The following IGSF21 variants were observed in gnomAD, a reference collection of about 807,000 sequenced individuals.
IGSF21 encodes the protein immunoglobin superfamily member 21, also known as immunoglobulin superfamily member 21.
In IGSF21, 28 loss-of-function variants were observed where a neutral mutation model predicts 46.8. The observed-to-expected ratio is 0.60, with a 90% CI of 0.44 to 0.82. The LOEUF (loss-of-function observed/expected upper bound fraction) is 0.82. Among genes scored for constraint, IGSF21 ranks in the 40% least tolerant of loss-of-function variants. IGSF21 has a pLI of 0.00. For synonymous variants in IGSF21, 284 were observed against 273.6 expected (o/e 1.04, Z -0.38); for missense variants, 624 against 665.5 (o/e 0.94, Z 0.69).
At chr1:18,160,166 C>T (rs2086604842) in intron 1 of IGSF21, among the ~76,000 whole-genome samples, 1 of 152,190 alleles carries the variant, frequency 6.6e-6, no homozygotes, top group South Asian at 2.1e-4. Context: ...GAAAAACAGT[C>T]ACTTCTCACC....
At chr1:18,148,213 C>A (rs1413881164) in intron 1 of IGSF21, among the ~76,000 whole-genome samples, 2 of 142,618 alleles carry the variant, frequency 1.4e-5, no homozygotes, top group Admixed American at 1.5e-4. Flanking sequence ...TCACTGCAAG[C>A]TCCGCCTCCT....
chr1:18,109,515 G>C lies in IGSF21; in HGVS notation c.70+1317G>C, dbSNP rs890155781. 1 of 152,380 alleles carries C rather than the reference G, an allele frequency of 6.6e-6. No individual in the cohort carries two copies. The highest frequency in any genetic ancestry group is 1.5e-5 in the Non-Finnish European group (1 of 68,192). 9.4% of individuals were successfully genotyped at this position (152,380 alleles called of 1,614,324 possible). A position where few individuals can be genotyped will look rare whatever the true frequency, so the allele number is the denominator to read the frequency against. ...CTCTGAGAGTGCCTGCCAGGAAGGGGTGCCCCCTTAAAAATAACCCCAACT... is the reference window on the plus strand; with the variant it reads ...CTCTGAGAGTGCCTGCCAGGAAGGGCTGCCCCCTTAAAAATAACCCCAACT... On this transcript the variant is annotated intron_variant, in intron 1 of 9. Transcript: ENST00000251296. The surrounding 1 kb of genome is among the most constrained non-coding windows in gnomAD (Gnocchi z 4.8).
At chr1:18,209,981 C>T (rs1458521164) in intron 1 of IGSF21, among the ~76,000 whole-genome samples, 2 of 152,048 alleles carry the variant, frequency 1.3e-5, no homozygotes, top group Non-Finnish European at 2.9e-5. Context: ...TTGCTCCTCA[C>T]CCAACCCCTC....
chr1:18,359,964 A>G (rs2086082012), intron 4 of IGSF21, among the ~76,000 whole-genome samples: 1 of 152,154 alleles, frequency 6.6e-6, no homozygotes, highest in Admixed American at 6.5e-5. Flanking sequence ...TCTTCCTCAT[A>G]CTGGCACCGT....
At chr1:18,367,952 A>C (rs1479200237) in intron 6 of IGSF21, among the ~76,000 whole-genome samples, 2 of 152,066 alleles carry the variant, frequency 1.3e-5, no homozygotes, top group African/African-American at 2.4e-5. Flanking sequence ...CTAAAAATAA[A>C]GGCTAACATT....
intron 1 of IGSF21, among the ~76,000 whole-genome samples, chr1:18,208,468 G>A (rs565104635): frequency 6.5e-4 from 94 of 143,544 alleles, no homozygotes; most frequent in African/African-American, 1.6e-3. Flanking sequence ...TGCAAGTTCC[G>A]CCTCCCGGGT....
Position 18,257,917 on chromosome 1 carries a change from G to A in IGSF21, c.183+29907G>A, listed in dbSNP as rs757263146. ...AGTCTTCTGAGAGCCCCGTGGGCAAGGGGCCCCCTGCTGCAGTCTCCCACT... is the reference window on the plus strand; with the variant it reads ...AGTCTTCTGAGAGCCCCGTGGGCAAAGGGCCCCCTGCTGCAGTCTCCCACT... On this transcript the variant is annotated intron_variant, in intron 2 of 9. Transcript: ENST00000251296. 2.0e-4 allele frequency among the ~76,000 whole-genome samples: 30 copies of A among 152,264 alleles called. 1 individual carries two copies. The highest frequency in any genetic ancestry group is 3.4e-3 in the Middle Eastern group (1 of 294).
In IGSF21 at chr1:18,378,361, C is replaced by T; in HGVS notation, c.*35C>T. 6.5e-7 allele frequency: 1 copy of T among 1,547,408 alleles called. No homozygotes were observed. Among genetic ancestry groups the T allele is most frequent in the Non-Finnish European group, 8.9e-7 (1 of 1,120,780 alleles). ...CCCCGGCCACTCCATCAGGCACTGACATCTCCACGACCGGTTTTCATTTCT... is the reference window on the plus strand; with the variant it reads ...CCCCGGCCACTCCATCAGGCACTGATATCTCCACGACCGGTTTTCATTTCT... On this transcript the variant is annotated 3_prime_UTR_variant, in exon 10 of 10. Coordinates refer to ENST00000251296, the MANE Select transcript of IGSF21 (RefSeq NM_032880.5).
At chr1:18,210,262 C>T (rs971066220) in intron 1 of IGSF21, among the ~76,000 whole-genome samples, 1 of 152,142 alleles carries the variant, frequency 6.6e-6, no homozygotes, top group Admixed American at 6.5e-5. Context: ...GGGATCCCCC[C>T]CAGACACTCT....
intron 1 of IGSF21, among the ~76,000 whole-genome samples, chr1:18,143,612 G>A (rs1378164633): frequency 6.6e-6 from 1 of 152,168 alleles, no homozygotes; most frequent in African/African-American, 2.4e-5. Context: ...CCATGGCCTG[G>A]CAGAGCCTGG....
intron 4 of IGSF21, among the ~76,000 whole-genome samples, chr1:18,352,322 A>C (rs868264175): frequency 3.2e-4 from 48 of 152,210 alleles, no homozygotes; most frequent in African/African-American, 1.1e-3. Context: ...ACTGAAGCTT[A>C]CATAGATTAA....
chr1:18,132,524 A>G (rs2086330645), intron 1 of IGSF21, among the ~76,000 whole-genome samples: 1 of 152,250 alleles, frequency 6.6e-6, no homozygotes, highest in African/African-American at 2.4e-5. Flanking sequence ...AGGGATGGCC[A>G]AGATGGCTGA....
chr1:18,269,065 G>A (rs2085018153), intron 2 of IGSF21, among the ~76,000 whole-genome samples: 1 of 152,214 alleles, frequency 6.6e-6, no homozygotes, highest in Non-Finnish European at 1.5e-5. Context: ...AGGAGCAAAT[G>A]AGCTGTAAAC....
At chr1:18,263,055 G>A (rs1360568214) in intron 2 of IGSF21, among the ~76,000 whole-genome samples, 1 of 152,222 alleles carries the variant, frequency 6.6e-6, no homozygotes, top group African/African-American at 2.4e-5. Flanking sequence ...GGGGCAATTG[G>A]CACCTGCAAG....
intron 2 of IGSF21, among the ~76,000 whole-genome samples, chr1:18,286,268 G>A (rs2085211317): frequency 6.6e-6 from 1 of 152,182 alleles, no homozygotes; most frequent in African/African-American, 2.4e-5. Flanking sequence ...CTTGGCCGTG[G>A]TTCCTGTCTG....
At chr1:18,344,376 G>A (rs889647036) in intron 4 of IGSF21, among the ~76,000 whole-genome samples, 16 of 152,062 alleles carry the variant, frequency 1.1e-4, no homozygotes, top group African/African-American at 3.6e-4. Flanking sequence ...CACTCTGTTG[G>A]TCAGGCTGGA....
intron 1 of IGSF21, among the ~76,000 whole-genome samples, chr1:18,222,128 C>T (rs1326781158): frequency 1.3e-5 from 2 of 152,178 alleles, no homozygotes; most frequent in Non-Finnish European, 2.9e-5. Flanking sequence ...TCAGCTGTGC[C>T]TCCTCATTCC....
At chr1:18,304,706 C>T (rs2085394062) in intron 3 of IGSF21, among the ~76,000 whole-genome samples, 2 of 126,964 alleles carry the variant, frequency 1.6e-5, no homozygotes, top group Admixed American at 1.8e-4. Context: ...TACACACACA[C>T]ATACACACAC....
chr1:18,305,604 A>AGATG (rs1053899857), intron 3 of IGSF21, among the ~76,000 whole-genome samples: 6 of 144,158 alleles, frequency 4.2e-5, no homozygotes, highest in Non-Finnish European at 7.7e-5. Flanking sequence ...GATGATGGAT[A>AGATG]GATGGATGGA....
Sources: gnomAD v4.1 joint callset for allele counts (sites outside exome capture counted in the v4.1 genomes callset) on GRCh38, gnomAD v4.1.1 for gene constraint, Gnocchi (gnomAD v3.1) non-coding constraint, MANE v1.5 for transcripts, NCBI Gene and HGNC (gene_info 2026-07-23, HGNC 2026-07-21) for gene names.